The following CAAP1 variants were observed in gnomAD, a reference collection of about 807,000 sequenced individuals.
The protein encoded by CAAP1 is caspase activity and apoptosis inhibitor 1, also known as conserved anti-apoptotic protein.
Under a neutral mutation model 34.0 loss-of-function variants are expected in CAAP1, and 20 were observed. The ratio of observed to expected loss-of-function variants is 0.59; its 90% CI spans 0.41 to 0.86. The LOEUF (loss-of-function observed/expected upper bound fraction) is 0.86, where lower values mean the gene tolerates loss of function less well. Ranked by LOEUF, CAAP1 falls within the 40% of genes least tolerant of loss-of-function variation. The pLI is 0.00. For synonymous variants in CAAP1, 213 were observed against 166.7 expected (o/e 1.28, Z -2.14); for missense variants, 538 against 450.5 (o/e 1.19, Z -1.76).
chr9:26,851,204 C>T (rs1331765255), intron 5 of CAAP1, among the ~76,000 whole-genome samples: 2 of 151,996 alleles, frequency 1.3e-5, no homozygotes, highest in Admixed American at 6.6e-5. Flanking sequence ...TTACGCAATA[C>T]AAAATATAAC....
At chr9:26,844,176 GGA>G (rs1418272620) in intron 5 of CAAP1, among the ~76,000 whole-genome samples, 19 of 152,034 alleles carry the variant, frequency 1.2e-4, no homozygotes, top group Non-Finnish European at 1.5e-5. Context: ...TGACCAACAT[GGA>G]GAAATCCCAT....
intron 5 of CAAP1, among the ~76,000 whole-genome samples, chr9:26,844,975 C>T (rs528464358): frequency 6.6e-6 from 1 of 152,160 alleles, no homozygotes; most frequent in African/African-American, 2.4e-5. Context: ...CTTTATTTTC[C>T]CTTTTCACTA....
At chr9:26,845,621 AC>A (rs1334537827) in intron 5 of CAAP1, among the ~76,000 whole-genome samples, 1 of 152,072 alleles carries the variant, frequency 6.6e-6, no homozygotes, top group Non-Finnish European at 1.5e-5. Context: ...TGATCCACCC[AC>A]CTCAGCCTCC....
chr9:26,850,492 C>G (rs188306563), intron 5 of CAAP1, among the ~76,000 whole-genome samples: 101 of 152,262 alleles, frequency 6.6e-4, no homozygotes, highest in African/African-American at 2.4e-3. Context: ...ATACCAAAAA[C>G]AAGAGTAAAT....
chr9:26,888,852 C>T (rs1386618595), intron 1 of CAAP1, among the ~76,000 whole-genome samples: 3 of 152,174 alleles, frequency 2.0e-5, no homozygotes, highest in African/African-American at 4.8e-5. Flanking sequence ...AAATGCCCAT[C>T]AAGTGATAAA....
At chr9:26,844,758 T>C (rs1822558002) in intron 5 of CAAP1, among the ~76,000 whole-genome samples, 2 of 152,224 alleles carry the variant, frequency 1.3e-5, no homozygotes, top group Non-Finnish European at 2.9e-5. Flanking sequence ...CTACAGTGGC[T>C]GATGAGAATA....
Position 26,878,036 on chromosome 9 carries a change from C to T in CAAP1, c.665+6774G>A, listed in dbSNP as rs950458512. Among the ~76,000 whole-genome samples the T allele has an allele frequency of 4.4e-4, 67 of 152,044 alleles. 2 individuals are homozygous for T. The highest frequency in any genetic ancestry group is 1.6e-3 in the African/African-American group (65 of 41,406). ...ACTCGACTATTTTCTCTTATGATTT[C>T]CATCTTTCATATTTTTGCTTTGTGA... On this transcript the variant is annotated intron_variant, in intron 4 of 5. Coordinates refer to ENST00000333916, the MANE Select transcript of CAAP1 (RefSeq NM_024828.4).
At chr9:26,858,973 G>A (rs1822941923) in intron 5 of CAAP1, among the ~76,000 whole-genome samples, 1 of 149,072 alleles carries the variant, frequency 6.7e-6, no homozygotes, top group Non-Finnish European at 1.5e-5. Context: ...CTCCAGCCTG[G>A]GCAATAGAGC....
chr9:26,848,670 A>T (rs1296053544), intron 5 of CAAP1, among the ~76,000 whole-genome samples: 1 of 152,204 alleles, frequency 6.6e-6, no homozygotes, highest in African/African-American at 2.4e-5. Flanking sequence ...GTTATAGATG[A>T]TAATAAAAAC....
intron 5 of CAAP1, among the ~76,000 whole-genome samples, chr9:26,852,552 T>G (rs556548590): frequency 1.3e-5 from 2 of 152,222 alleles, no homozygotes; most frequent in South Asian, 4.1e-4. Context: ...GGAGATAATC[T>G]TAAAAACAGT....
In CAAP1 at chr9:26,848,702, T is replaced by A. The variant is rs1822675089; in HGVS notation, c.740-6055A>T. On this transcript the variant is annotated intron_variant, in intron 5 of 5. Coordinates refer to ENST00000333916, the MANE Select transcript of CAAP1 (RefSeq NM_024828.4). ...AAACAGTGGTATTACATTTTAGTTT[T>A]TTCTATTATGTGGCACACTCCTTTT... Among the ~76,000 whole-genome samples, 4 of 152,204 alleles carry A rather than the reference T, an allele frequency of 2.6e-5. No individual in the cohort carries two copies. The South Asian group carries it at 8.3e-4, about 31-fold the overall frequency.
At chr9:26,872,767 A>C (rs62544406) in intron 4 of CAAP1, among the ~76,000 whole-genome samples, 2 of 152,008 alleles carry the variant, frequency 1.3e-5, no homozygotes, top group Non-Finnish European at 2.9e-5. Flanking sequence ...AATTCCCTAA[A>C]GAATATACTA....
At chr9:26,861,026 C>T (rs1434746212) in intron 5 of CAAP1, 40 bp downstream of exon 5, 3 of 1,368,222 alleles carry the variant, frequency 2.2e-6, no homozygotes, top group Non-Finnish European at 3.1e-6. Context: ...TTCTATTCTT[C>T]AGGTAAATTT....
In CAAP1 at chr9:26,892,442, A is replaced by G. The variant is rs760235093; in HGVS notation, c.274T>C (p.Ser92Pro). Reference protein sequence around the residue: ...SERRKRRSTDSSSVSGSLQQE... With the variant: ...SERRKRRSTDPSSVSGSLQQE... ...TGCAAGGAGCCCGAGACGCTGGAAG[A>G]GTCGGTACTCCTCCGCTTCCGGCGC... Residue 92 changes from serine (S) to proline (P), a missense_variant, in exon 1 of 6, where the codon TCT becomes CCT. Coordinates refer to ENST00000333916, the MANE Select transcript of CAAP1 (RefSeq NM_024828.4). 1 of 1,599,152 alleles carries G rather than the reference A, an allele frequency of 6.3e-7. No individual in the cohort carries two copies. Among genetic ancestry groups the G allele is most frequent in the Admixed American group, 1.7e-5 (1 of 58,538 alleles).
intron 4 of CAAP1, among the ~76,000 whole-genome samples, chr9:26,876,902 C>T (rs916422162): frequency 6.6e-6 from 1 of 152,054 alleles, no homozygotes; most frequent in African/African-American, 2.4e-5. Context: ...GTCTGTAATC[C>T]TAGCACTTTG....
At chr9:26,856,375 T>C (rs1053416506) in intron 5 of CAAP1, among the ~76,000 whole-genome samples, 1 of 152,152 alleles carries the variant, frequency 6.6e-6, no homozygotes, top group Non-Finnish European at 1.5e-5. Flanking sequence ...AAATCAAACA[T>C]ATTTTCTTTT....
At chr9:26,883,177 T>C (rs1038238684) in intron 4 of CAAP1, among the ~76,000 whole-genome samples, 10 of 151,988 alleles carry the variant, frequency 6.6e-5, no homozygotes, top group Non-Finnish European at 1.3e-4. Context: ...GGACATGAGA[T>C]TTGGAAGGGG....
At chr9:26,865,180 A>G (rs1236660852) in intron 4 of CAAP1, among the ~76,000 whole-genome samples, 1 of 152,234 alleles carries the variant, frequency 6.6e-6, no homozygotes. Flanking sequence ...ATAAATGAAA[A>G]AAATAGACAC....
intron 4 of CAAP1, among the ~76,000 whole-genome samples, chr9:26,871,336 G>C (rs1823269992): frequency 6.6e-6 from 1 of 152,122 alleles, no homozygotes; most frequent in Non-Finnish European, 1.5e-5. Context: ...CTAACACTTT[G>C]GGAGGCAGAG....
Sources: gnomAD v4.1 joint callset for allele counts (sites outside exome capture counted in the v4.1 genomes callset) on GRCh38, gnomAD v4.1.1 for gene constraint, MANE v1.5 for transcripts, NCBI Gene and HGNC (gene_info 2026-07-23, HGNC 2026-07-21) for gene names.